The following NECTIN4 variants were observed in gnomAD, a reference collection of about 807,000 sequenced individuals.
The protein encoded by NECTIN4 is nectin cell adhesion molecule 4.
Under a neutral mutation model 51.7 loss-of-function variants are expected in NECTIN4, and 19 were observed. The ratio of observed to expected loss-of-function variants is 0.37; its 90% CI spans 0.26 to 0.54. The LOEUF is 0.54. Among genes scored for constraint, NECTIN4 ranks in the 20% least tolerant of loss-of-function variants. The pLI, the probability that NECTIN4 is intolerant of heterozygous loss-of-function variation, is 0.86. For missense variants in NECTIN4, 619 were observed against 662.4 expected, an observed-to-expected ratio of 0.93 and a Z score of 0.72; for synonymous variants, 283 against 286.9, an observed-to-expected ratio of 0.99 and a Z score of 0.14.
Position 161,073,711 on chromosome 1 carries a change from G to C in NECTIN4, c.1233+9C>G. On this transcript the variant is annotated intron_variant, in intron 7 of 8. Transcript: ENST00000368012. ...CCCCTGCATGCATACACCCAACCTTGGCACACACCTGGCTCCTGGGGTCCG... is the reference window on the plus strand; with the variant it reads ...CCCCTGCATGCATACACCCAACCTTCGCACACACCTGGCTCCTGGGGTCCG... 1 of 1,613,262 alleles carries C rather than the reference G, an allele frequency of 6.2e-7. No individual in the cohort carries two copies. Among genetic ancestry groups the C allele is most frequent in the Non-Finnish European group, 8.5e-7 (1 of 1,179,202 alleles).
chr1:161,083,220 T>C (rs896833839), intron 1 of NECTIN4, among the ~76,000 whole-genome samples: 9 of 152,132 alleles, frequency 5.9e-5, no homozygotes, highest in African/African-American at 1.9e-4. Context: ...ATCCACTACT[T>C]AGTAGGAACA....
chr1:161,088,773 T>A (rs1571166599), intron 1 of NECTIN4, among the ~76,000 whole-genome samples: 1 of 152,170 alleles, frequency 6.6e-6, no homozygotes, highest in Non-Finnish European at 1.5e-5. Flanking sequence ...TGCACCCTGA[T>A]GACTGCAGAA....
intron 2 of NECTIN4, 53 bp downstream of exon 2, chr1:161,079,537 G>A (rs965554232): frequency 1.3e-6 from 2 of 1,594,252 alleles, no homozygotes; most frequent in African/African-American, 2.7e-5. Flanking sequence ...CCCCATCTCT[G>A]CTTCCCCCTG....
At position 161,077,433 on chromosome 1, in the gene NECTIN4, C is replaced by G; in HGVS notation, c.730+20G>C. ...CTGAGAACCCCTTGGGCCTCCCTAC[C>G]CAAGCATCCAAGTACTTACAGGACA... is the stretch of plus-strand genomic sequence containing the variant. On this transcript the variant is annotated intron_variant, in intron 3 of 8. Transcript: ENST00000368012. 6.2e-7 allele frequency: 1 copy of G among 1,613,944 alleles called. No individual in the cohort carries two copies. Among genetic ancestry groups the G allele is most frequent in the Non-Finnish European group, 8.5e-7 (1 of 1,179,978 alleles).
intron 5 of NECTIN4, 31 bp downstream of exon 5, chr1:161,074,580 C>T (rs1220157674): frequency 1.2e-6 from 2 of 1,614,056 alleles, no homozygotes; most frequent in East Asian, 2.2e-5. Flanking sequence ...TGGCCCAGGT[C>T]CTTACCAAGG....
intron 1 of NECTIN4, among the ~76,000 whole-genome samples, chr1:161,083,296 G>A (rs1369137626): frequency 6.6e-6 from 1 of 152,192 alleles, no homozygotes; most frequent in Admixed American, 6.5e-5. Context: ...TACAAGAGAA[G>A]AGAAAATAGA....
chr1:161,073,594 C>T, intron 7 of NECTIN4, 126 bp downstream of exon 7: 1 of 943,294 alleles, frequency 1.1e-6, no homozygotes, highest in East Asian at 2.4e-5. Flanking sequence ...CCCCGGCCAA[C>T]CCCAGCTGTG....
chr1:161,073,094 CGGTGCTGG>C (rs1653250728), intron 8 of NECTIN4, 123 bp downstream of exon 8: 1 of 691,438 alleles, frequency 1.4e-6, no homozygotes, highest in Non-Finnish European at 2.4e-6. Flanking sequence ...AGCAGAGATG[CGGTGCTGG>C]GCTGCATGAG....
intron 2 of NECTIN4, among the ~76,000 whole-genome samples, chr1:161,078,386 C>T (rs574468998): frequency 2.5e-4 from 38 of 152,228 alleles, no homozygotes; most frequent in African/African-American, 8.7e-4. Context: ...CGGCTCACTG[C>T]AATCTCCGCC....
intron 2 of NECTIN4, among the ~76,000 whole-genome samples, chr1:161,078,421 C>G (rs1168700829): frequency 5.3e-5 from 8 of 152,018 alleles, no homozygotes. Flanking sequence ...AATTCTCCTG[C>G]CTCAGCCTCC....
Position 161,074,336 on chromosome 1 carries a change from C to A in NECTIN4, c.1038G>T (p.Val346=). Residue 346 remains valine, a synonymous_variant, in exon 6 of 9, where the codon GTG becomes GTT. Coordinates refer to ENST00000368012, the MANE Select transcript of NECTIN4 (RefSeq NM_030916.3). ...QEDSGKQVDL[V]SASVVVVGVI... is the part of the protein sequence containing the mutation. ...CACCCACCACCACCACCGAGGCTGA[C>A]ACTAGGTCCACCTGCTTCCCAGAGT... is the stretch of plus-strand genomic sequence containing the variant. The A allele has an allele frequency of 6.2e-7, 1 of 1,614,070 alleles. No individual in the cohort carries two copies. Among genetic ancestry groups the A allele is most frequent in the Non-Finnish European group, 8.5e-7 (1 of 1,179,990 alleles).
chr1:161,086,576 A>G (rs759790035), intron 1 of NECTIN4, among the ~76,000 whole-genome samples: 2 of 152,156 alleles, frequency 1.3e-5, no homozygotes, highest in African/African-American at 4.8e-5. Flanking sequence ...AGAGCTAGGG[A>G]CTAGGATCCT....
At position 161,072,669 on chromosome 1, in the gene NECTIN4, G is replaced by C. The variant is rs778945442; in HGVS notation, c.1525C>G (p.Leu509Val). The C allele has an allele frequency of 4.3e-6, 7 of 1,613,848 alleles. No individual in the cohort carries two copies. The highest frequency in any genetic ancestry group is 5.9e-6 in the Non-Finnish European group (7 of 1,179,796). Residue 509 changes from leucine to valine, a missense_variant, in exon 9 of 9, where the codon CTG becomes GTG. By Grantham distance (32) the Leu-to-Val change is conservative. Around this residue, in one of 3 missense-constraint regions of NECTIN4, gnomAD observed 364 missense variants for 415.7 expected, o/e 0.88. Transcript: ENST00000368012. Reference protein sequence around the residue: ...NGIYINGRGHLV With the variant: ...NGIYINGRGHVV ...AGGGAGGCAGGCCTGGGTCAGACCA[G>C]GTGTCCCCGCCCATTGATGTAGATG...
chr1:161,074,850 C>A lies in NECTIN4; in HGVS notation c.852-91G>T, dbSNP rs536980186. The A allele has an allele frequency of 2.2e-4, 312 of 1,399,588 alleles. 2 individuals are homozygous for A. In the African/African-American group the frequency reaches 4.1e-3, roughly 18 times the overall value. 86.7% of individuals were successfully genotyped at this position (1,399,588 alleles called of 1,614,324 possible). On this transcript the variant is annotated intron_variant, in intron 4 of 8. Coordinates refer to ENST00000368012, the MANE Select transcript of NECTIN4 (RefSeq NM_030916.3). ...CCAGACAGCTCTCCACCCTCCACCCCCATGACGTCACCCAGAGCCGCAGGC... is the reference window on the plus strand; with the variant it reads ...CCAGACAGCTCTCCACCCTCCACCCACATGACGTCACCCAGAGCCGCAGGC...
chr1:161,073,002 C>T, intron 8 of NECTIN4, 117 bp from the exon 9 acceptor site: 1 of 1,095,750 alleles, frequency 9.1e-7, no homozygotes, highest in Non-Finnish European at 1.3e-6. Flanking sequence ...TAACGGTTGC[C>T]TCAGAAGCAT....
In NECTIN4 at chr1:161,071,522, C is replaced by T. The variant is rs1653163404; in HGVS notation, c.*1139G>A. 6.6e-6 allele frequency: 1 copy of T among 152,130 alleles called. No individual in the cohort carries two copies. Among genetic ancestry groups the T allele is most frequent in the South Asian group, 2.1e-4 (1 of 4,824 alleles). 9.4% of individuals were successfully genotyped at this position (152,130 alleles called of 1,614,324 possible). ...ACTCAGTAACCACGAGGCTCACATC[C>T]CTAATTTCAGACTCTACCAGCTCTC... On this transcript the variant is annotated 3_prime_UTR_variant, in exon 9 of 9. Coordinates refer to ENST00000368012, the MANE Select transcript of NECTIN4 (RefSeq NM_030916.3).
At position 161,076,908 on chromosome 1, in the gene NECTIN4, C is replaced by T. The variant is rs536282471; in HGVS notation, c.731-433G>A. On this transcript the variant is annotated intron_variant, in intron 3 of 8. Coordinates refer to ENST00000368012, the MANE Select transcript of NECTIN4 (RefSeq NM_030916.3). ...TTGAGCCAAATGCTGACAGTCTTAT[C>T]CCCTCCAGAGGCTTGAAATCTAGCA... Among the ~76,000 whole-genome samples, 34 of 152,362 alleles carry T rather than the reference C, an allele frequency of 2.2e-4. No homozygotes were observed. In the South Asian group the frequency reaches 5.2e-3, roughly 23 times the overall value.
At chr1:161,087,092 C>T (rs758401796) in intron 1 of NECTIN4, 1 of 152,222 alleles carries the variant, frequency 6.6e-6, no homozygotes, top group Non-Finnish European at 1.5e-5. Context: ...GGGATCTGGA[C>T]CAAGACTCCT....
At chr1:161,086,918 CT>C in intron 1 of NECTIN4, 1 of 153,554 alleles carries the variant, frequency 6.5e-6, no homozygotes, top group Non-Finnish European at 1.4e-5. Context: ...CCCAGTGACC[CT>C]TCCAACACCC....
Sources: gnomAD v4.1 joint callset for allele counts (sites outside exome capture counted in the v4.1 genomes callset) on GRCh38, gnomAD v4.1.1 for gene constraint, gnomAD v4.1.1 regional missense constraint, MANE v1.5 for transcripts, NCBI Gene and HGNC (gene_info 2026-07-23, HGNC 2026-07-21) for gene names.